The following KIF13A variants were observed in gnomAD, a reference collection of about 807,000 sequenced individuals.
The protein encoded by KIF13A is kinesin-like protein KIF13A.
Under a neutral mutation model 212.2 loss-of-function variants are expected in KIF13A, and 79 were observed. That is an observed-to-expected ratio of 0.37 (90% CI 0.31 to 0.45). KIF13A has a LOEUF of 0.45. Among genes scored for constraint, KIF13A ranks in the 20% least tolerant of loss-of-function variants. The pLI is 1.00. For synonymous variants in KIF13A, 789 were observed against 808.6 expected, an observed-to-expected ratio of 0.98 and a Z score of 0.41; for missense variants, 1,901 against 2,209.0, an observed-to-expected ratio of 0.86 and a Z score of 2.79.
rs10707103 is a variant in KIF13A at position 17,920,873 on chromosome 6, C to CA, written c.147-22694dup. Among the ~76,000 whole-genome samples, 182 of 135,132 alleles carry CA rather than the reference C, an allele frequency of 1.3e-3. 2 individuals are homozygous for CA. Among genetic ancestry groups the CA allele is most frequent in the East Asian group, 9.8e-3 (46 of 4,684 alleles). 88.7% of individuals were successfully genotyped at this position (135,132 alleles called of 152,430 possible). On this transcript the variant is annotated intron_variant, in intron 2 of 38. Transcript: ENST00000259711. ...TGGGTGATAGGGCAGGACTATGTCT[C>CA]AAAAAAAAAAAAAAAAAAGTAATAT...
intron 17 of KIF13A, among the ~76,000 whole-genome samples, chr6:17,813,049 A>T (rs1406829952): frequency 6.6e-6 from 1 of 152,214 alleles, no homozygotes; most frequent in East Asian, 1.9e-4. Context: ...GGGTACAATT[A>T]TATCAGTTAT....
In KIF13A at chr6:17,979,989, G is replaced by GAA. The variant is rs1433463196; in HGVS notation, c.146+7063_146+7064dup. On this transcript the variant is annotated intron_variant, in intron 2 of 38. Transcript: ENST00000259711. ...ACCCCATGTCCTAAGAGGTGTTCCA[G>GAA]AAAAAAACAGAGAACAAAGAGAAAG... 1.4e-4 allele frequency among the ~76,000 whole-genome samples: 21 copies of GAA among 151,536 alleles called. No individual in the cohort carries two copies. In the East Asian group the frequency reaches 3.9e-3, roughly 28 times the overall value.
At chr6:17,870,489 A>T (rs1439511485) in intron 4 of KIF13A, among the ~76,000 whole-genome samples, 1 of 152,068 alleles carries the variant, frequency 6.6e-6, no homozygotes. Context: ...CAGGCACATG[A>T]GTGATATATT....
At chr6:17,796,950 G>T in intron 22 of KIF13A, 130 bp from the exon 23 acceptor site, 1 of 485,632 alleles carries the variant, frequency 2.1e-6, no homozygotes, top group Non-Finnish European at 3.3e-6. Context: ...CGTCTCTTCT[G>T]TTTTATAGAA....
intron 12 of KIF13A, 50 bp from the exon 13 acceptor site, chr6:17,831,285 C>T (rs768666776): frequency 6.3e-7 from 1 of 1,583,952 alleles, no homozygotes; most frequent in South Asian, 1.2e-5. Flanking sequence ...TTGTTCTATT[C>T]ACAAGATGTA....
intron 20 of KIF13A, among the ~76,000 whole-genome samples, chr6:17,802,193 A>C (rs1762518675): frequency 6.6e-6 from 1 of 152,198 alleles, no homozygotes; most frequent in African/African-American, 2.4e-5. Context: ...ACCTACAAGA[A>C]ATTACTCGAT....
intron 3 of KIF13A, among the ~76,000 whole-genome samples, chr6:17,896,431 C>G (rs976981797): frequency 2.0e-5 from 3 of 152,128 alleles, no homozygotes; most frequent in African/African-American, 7.2e-5. Flanking sequence ...GCACCTTTCC[C>G]TTTTCCACTT....
At chr6:17,936,064 T>C (rs1330791516) in intron 2 of KIF13A, among the ~76,000 whole-genome samples, 1 of 152,230 alleles carries the variant, frequency 6.6e-6, no homozygotes, top group Non-Finnish European at 1.5e-5. Context: ...AACTTCATAT[T>C]ACTTATGTCA....
intron 2 of KIF13A, among the ~76,000 whole-genome samples, chr6:17,929,282 A>T (rs4712317): frequency 0.8 from 121,727 of 152,036 alleles, 49,195 homozygotes; most frequent in African/African-American, 0.9. Context: ...TCACCAAGGC[A>T]AGGCTAGAAT....
In KIF13A at chr6:17,794,728, C is replaced by G; in HGVS notation, c.2943-24G>C. 1.3e-6 allele frequency: 2 copies of G among 1,598,668 alleles called. No homozygotes were observed. Among genetic ancestry groups the G allele is most frequent in the Non-Finnish European group, 1.7e-6 (2 of 1,175,790 alleles). ...ACCTGCAGAAACACATTCCAACAAG[C>G]AAGAGCGTCATCGTCCAGGGATACT... On this transcript the variant is annotated intron_variant, in intron 23 of 38. Transcript: ENST00000259711. This position sits in a 1 kb window ranked among gnomAD's most constrained non-coding sequence, Gnocchi z 4.1.
At chr6:17,880,745 C>A (rs372914595) in intron 3 of KIF13A, among the ~76,000 whole-genome samples, 1 of 151,872 alleles carries the variant, frequency 6.6e-6, no homozygotes, top group Non-Finnish European at 1.5e-5. Flanking sequence ...AGCAGCCTCC[C>A]GAGTAGCTAG....
chr6:17,962,366 C>G (rs1014071313), intron 2 of KIF13A, among the ~76,000 whole-genome samples: 6 of 151,742 alleles, frequency 4.0e-5, no homozygotes, highest in Non-Finnish European at 8.8e-5. Context: ...CTTGAAATGT[C>G]CATAAAAGGT....
chr6:17,908,912 A>G lies in KIF13A; in HGVS notation c.147-10732T>C, dbSNP rs367745714. 5.9e-5 allele frequency among the ~76,000 whole-genome samples: 9 copies of G among 152,152 alleles called. No homozygotes were observed. In the East Asian group the frequency reaches 1.5e-3, roughly 26 times the overall value. On this transcript the variant is annotated intron_variant, in intron 2 of 38. Transcript: ENST00000259711. ...GGAGTTCAGGATTGGGGGTCAAACA[A>G]TCCTAGCTCTGCCTTGATCTAGCCA... is the stretch of plus-strand genomic sequence containing the variant.
At position 17,816,162 on chromosome 6, in the gene KIF13A, G is replaced by A. The variant is rs370874842; in HGVS notation, c.2000+858C>T. ...TGGAACTCCTGACCTCAGGCGATCC[G>A]CTGCCTTGGCCTCCCAAAGTGCTGG... On this transcript the variant is annotated intron_variant, in intron 17 of 38. Coordinates refer to ENST00000259711, the MANE Select transcript of KIF13A (RefSeq NM_022113.6). This position sits in a 1 kb window ranked among gnomAD's most constrained non-coding sequence, Gnocchi z 4.3. Among the ~76,000 whole-genome samples the A allele has an allele frequency of 2.0e-3, 302 of 151,130 alleles. 2 individuals carry two copies. Among genetic ancestry groups the A allele is most frequent in the African/African-American group, 6.9e-3 (283 of 41,136 alleles).
intron 4 of KIF13A, among the ~76,000 whole-genome samples, chr6:17,860,786 A>C (rs1768692861): frequency 6.6e-6 from 1 of 152,138 alleles, no homozygotes; most frequent in African/African-American, 2.4e-5. Context: ...ATTAGTTTAC[A>C]CTTTGGTCAA....
Position 17,799,756 on chromosome 6 carries a change from CACTT to C in KIF13A, c.2616+192_2616+195del, listed in dbSNP as rs1762331232. ...ACTTCTTGCATGTCAAATACATAAA[CACTT>C]TTGAAATTTGATGCAACTGTCATAA... On this transcript the variant is annotated intron_variant, in intron 21 of 38. Transcript: ENST00000259711. This position sits in a 1 kb window ranked among gnomAD's most constrained non-coding sequence, Gnocchi z 4.4. 6.6e-6 allele frequency among the ~76,000 whole-genome samples: 1 copy of C among 152,164 alleles called. No individual in the cohort carries two copies. Among genetic ancestry groups the C allele is most frequent in the South Asian group, 2.1e-4 (1 of 4,834 alleles).
chr6:17,794,448 G>C lies in KIF13A; in HGVS notation c.3076-53C>G. 1 of 1,577,736 alleles carries C rather than the reference G, an allele frequency of 6.3e-7. No homozygotes were observed. The highest frequency in any genetic ancestry group is 1.4e-5 in the African/African-American group (1 of 73,742). On this transcript the variant is annotated intron_variant, in intron 24 of 38. Coordinates refer to ENST00000259711, the MANE Select transcript of KIF13A (RefSeq NM_022113.6). The surrounding 1 kb of genome is among the most constrained non-coding windows in gnomAD (Gnocchi z 4.1). ...GCCAGGAATGATAATGAAAAGGAAC[G>C]GGATAAAGAAGGGGAAAAGGATTAG...
intron 2 of KIF13A, among the ~76,000 whole-genome samples, chr6:17,943,725 C>T (rs1777142502): frequency 6.6e-6 from 1 of 152,138 alleles, no homozygotes; most frequent in Non-Finnish European, 1.5e-5. Context: ...TACATAATAA[C>T]TAAACTCTAT....
At chr6:17,950,416 A>G (rs1392826449) in intron 2 of KIF13A, 2 of 974,820 alleles carry the variant, frequency 2.1e-6, no homozygotes, top group Non-Finnish European at 2.4e-6. Flanking sequence ...TGCTTTCAGA[A>G]AATGATTTAT....
Sources: allele counts gnomAD v4.1 joint callset (sites outside exome capture counted in the v4.1 genomes callset), GRCh38; gene constraint gnomAD v4.1.1; non-coding constraint Gnocchi (gnomAD v3.1); transcripts MANE v1.5; gene names NCBI Gene and HGNC (gene_info 2026-07-23, HGNC 2026-07-21).